The following ATP10A variants were observed in gnomAD, a reference collection of about 807,000 sequenced individuals.
ATP10A encodes ATPase phospholipid transporting 10A (putative).
Under a neutral mutation model 147.8 loss-of-function variants are expected in ATP10A, and 111 were observed. The ratio of observed to expected loss-of-function variants is 0.75; its 90% confidence interval spans 0.64 to 0.88. The LOEUF is 0.88. ATP10A is among the 40% of genes least tolerant of loss of function. The pLI is 0.00. For missense variants in ATP10A, 1,927 were observed against 1,959.0 expected (o/e 0.98, Z 0.31); for synonymous variants, 875 against 841.6 (o/e 1.04, Z -0.69).
chr15:25,771,657 A>C (rs997050152), intron 2 of ATP10A, among the ~76,000 whole-genome samples: 5 of 152,080 alleles, frequency 3.3e-5, no homozygotes, highest in African/African-American at 1.2e-4. Flanking sequence ...GTCTCACAGG[A>C]AAGTGACCAT....
intron 2 of ATP10A, among the ~76,000 whole-genome samples, chr15:25,751,234 A>C (rs748012255): frequency 1.3e-5 from 2 of 152,160 alleles, no homozygotes; most frequent in Non-Finnish European, 2.9e-5. Flanking sequence ...TAAAAGGGCC[A>C]AAATGCCCCT....
chr15:25,863,041 C>A lies in ATP10A; in HGVS notation c.56G>T (p.Arg19Leu), dbSNP rs1893846726. 6 of 1,266,382 alleles carry A rather than the reference C, an allele frequency of 4.7e-6. No homozygotes were observed. Among genetic ancestry groups the A allele is most frequent in the Admixed American group, 4.2e-5 (1 of 24,034 alleles). The allele number at this position is 1,266,382 out of a possible 1,614,324, so 78.4% of individuals were successfully genotyped here. A position where few individuals can be genotyped will look rare whatever the true frequency, so the allele number is the denominator to read the frequency against. Residue 19 changes from arginine (R) to leucine (L), a missense_variant, in exon 1 of 21, where the codon CGC (arginine) becomes CTC (leucine). By Grantham distance (102) the Arg-to-Leu change is moderately radical. Coordinates refer to ENST00000555815, the MANE Select transcript of ATP10A (RefSeq NM_024490.4). ...EEPGPPGRRR[R>L]REGRTRTVRS... ...CACCGTGCGCGTCCTGCCCTCTCGG[C>A]GCCTCCGCCGTCCCGGAGGCCCGGG...
intron 3 of ATP10A, among the ~76,000 whole-genome samples, chr15:25,728,167 T>C (rs528788678): frequency 6.6e-6 from 1 of 152,342 alleles, no homozygotes; most frequent in South Asian, 2.1e-4. Context: ...ACATGCTTCC[T>C]GTATGGCTCT....
downstream of ATP10A, among the ~76,000 whole-genome samples, chr15:25,672,581 G>A (rs1420832534): frequency 1.3e-5 from 2 of 152,178 alleles, no homozygotes; most frequent in African/African-American, 4.8e-5. Flanking sequence ...CACAGCAGCT[G>A]TGCCATTTTG....
rs145534130 is a variant in ATP10A at position 25,762,832 on chromosome 15, G to A, written c.654+18187C>T. Among the ~76,000 whole-genome samples the A allele has an allele frequency of 2.0e-3, 298 of 152,234 alleles. 1 individual carries two copies. Among genetic ancestry groups the A allele is most frequent in the African/African-American group, 6.6e-3 (275 of 41,524 alleles). On this transcript the variant is annotated intron_variant, in intron 2 of 20. Transcript: ENST00000555815. ...TGGCCTCAAGTGATCCTCCCACCTC[G>A]GCCTCCCAAAACTTTGGGATTACAG...
chr15:25,775,614 G>A (rs1054127415), intron 2 of ATP10A, among the ~76,000 whole-genome samples: 9 of 152,262 alleles, frequency 5.9e-5, no homozygotes, highest in South Asian at 4.1e-4. Context: ...ATGTGCACAC[G>A]CCTGGGAAGA....
chr15:25,701,263 C>A (rs1046948384), intron 13 of ATP10A, among the ~76,000 whole-genome samples: 3 of 152,146 alleles, frequency 2.0e-5, no homozygotes, highest in African/African-American at 7.2e-5. Context: ...TCCCAAGCGA[C>A]AAAGTCCCAA....
At chr15:25,764,666 T>A (rs922583461) in intron 2 of ATP10A, among the ~76,000 whole-genome samples, 3 of 152,256 alleles carry the variant, frequency 2.0e-5, no homozygotes, top group Non-Finnish European at 4.4e-5. Context: ...CTATTATTTA[T>A]ACGTGACCCA....
At position 25,786,617 on chromosome 15, in the gene ATP10A, CTTTTTTTT is replaced by C. The variant is rs35892408; in HGVS notation, c.450-5402_450-5395del. ...CTCAGCATTGAGACATCATTATCAT[CTTTTTTTT>C]TTTTTTTTTTTTTTTTTTGAGGCGG... On this transcript the variant is annotated intron_variant, in intron 1 of 20. Coordinates refer to ENST00000555815, the MANE Select transcript of ATP10A (RefSeq NM_024490.4). Among the ~76,000 whole-genome samples the C allele has an allele frequency of 5.3e-3, 364 of 68,894 alleles. 2 individuals are homozygous for C. Among genetic ancestry groups the C allele is most frequent in the African/African-American group, 0.021 (336 of 15,916 alleles). The allele number at this position is 68,894 out of a possible 152,430, so 45.2% of individuals were successfully genotyped here. A position where few individuals can be genotyped will look rare whatever the true frequency, so the allele number is the denominator to read the frequency against.
intron 17 of ATP10A, among the ~76,000 whole-genome samples, chr15:25,681,897 T>C (rs965296152): frequency 6.6e-6 from 1 of 151,640 alleles, no homozygotes; most frequent in African/African-American, 2.4e-5. Flanking sequence ...ACTAAACATA[T>C]AGAAAAATTA....
chr15:25,781,261 A>G (rs769281752), intron 1 of ATP10A, 38 bp from the exon 2 acceptor site: 1 of 1,564,344 alleles, frequency 6.4e-7, no homozygotes, highest in Non-Finnish European at 8.7e-7. Flanking sequence ...CTCACGAGAC[A>G]TTGGTCGTGG....
chr15:25,774,039 G>GT (rs11382751), intron 2 of ATP10A, among the ~76,000 whole-genome samples: 22,135 of 147,508 alleles, frequency 0.15, 1,671 homozygotes, highest in Admixed American at 0.16. Context: ...TTAAATTCCC[G>GT]TTTTTTTTTT....
At chr15:25,796,084 T>A (rs1472114452) in intron 1 of ATP10A, among the ~76,000 whole-genome samples, 2 of 152,172 alleles carry the variant, frequency 1.3e-5, no homozygotes, top group African/African-American at 2.4e-5. Flanking sequence ...TTGTAAATTA[T>A]CCAGCCTCAA....
chr15:25,687,928 C>A, intron 15 of ATP10A, 100 bp from the exon 16 acceptor site: 3 of 1,554,922 alleles, frequency 1.9e-6, no homozygotes, highest in Non-Finnish European at 2.7e-6. Flanking sequence ...GAAGGAAAAT[C>A]CCCATTCTGA....
chr15:25,751,316 T>C (rs4243757), intron 2 of ATP10A, among the ~76,000 whole-genome samples: 46,291 of 152,028 alleles, frequency 0.3, 8,005 homozygotes, highest in Non-Finnish European at 0.38. Flanking sequence ...ATCTGCATTA[T>C]GTTCAGAGGT....
At chr15:25,680,973 T>C (rs1410666989) in intron 18 of ATP10A, 21 bp downstream of exon 18, 2 of 1,613,882 alleles carry the variant, frequency 1.2e-6, no homozygotes, top group Non-Finnish European at 1.7e-6. Context: ...TAAGAAAAAC[T>C]GCACCCAGGG....
intron 2 of ATP10A, among the ~76,000 whole-genome samples, chr15:25,756,686 T>G (rs186191043): frequency 1.3e-5 from 2 of 152,218 alleles, no homozygotes; most frequent in Admixed American, 1.3e-4. Context: ...AGTGAGTGCT[T>G]AAATCAAACA....
At chr15:25,797,332 A>G (rs1890718960) in intron 1 of ATP10A, among the ~76,000 whole-genome samples, 1 of 152,186 alleles carries the variant, frequency 6.6e-6, no homozygotes, top group African/African-American at 2.4e-5. Flanking sequence ...GAATTCACAA[A>G]GTACATGTCT....
At chr15:25,743,362 A>T (rs1596801354) in intron 2 of ATP10A, among the ~76,000 whole-genome samples, 2 of 152,248 alleles carry the variant, frequency 1.3e-5, no homozygotes, top group East Asian at 3.8e-4. Flanking sequence ...ACGACTGGGC[A>T]ATTTGGACCA....
Sources: allele counts gnomAD v4.1 joint callset (sites outside exome capture counted in the v4.1 genomes callset), GRCh38; gene constraint gnomAD v4.1.1; transcripts MANE v1.5; gene names NCBI Gene and HGNC (gene_info 2026-07-23, HGNC 2026-07-21).